MORC3: variants seen among roughly 807,000 people sequenced by gnomAD.
MORC3 encodes MORC family CW-type zinc finger protein 3.
A neutral mutation model predicts 109.1 loss-of-function variants in MORC3; 31 were observed. The ratio of observed to expected loss-of-function variants is 0.28; its 90% CI spans 0.21 to 0.38. The LOEUF is 0.38. MORC3 is among the 10% of genes least tolerant of loss of function. The probability of loss-of-function intolerance (pLI) is 1.00; values close to 1 mark genes in which losing one functional copy is unlikely to be tolerated. For missense variants in MORC3, 867 were observed against 1,135.8 expected, an observed-to-expected ratio of 0.76 and a Z score of 3.40; for synonymous variants, 395 against 380.7, an observed-to-expected ratio of 1.04 and a Z score of -0.44.
rs772368857 is a variant in MORC3 at position 36,364,235 on chromosome 21, C to A, written c.1595C>A (p.Pro532His). 6 of 1,614,008 alleles carry A rather than the reference C, an allele frequency of 3.7e-6. No homozygotes were observed. Among genetic ancestry groups the A allele is most frequent in the African/African-American group, 2.7e-5 (2 of 74,904 alleles). Residue 532 changes from proline (P) to histidine (H), a missense_variant, in exon 14 of 17, where the codon CCT becomes CAT. Pro to His is a moderately conservative substitution (Grantham distance 77). Around this residue, in one of 7 missense-constraint regions of MORC3, gnomAD observed 486 missense variants for 502.1 expected, o/e 0.97. Transcript: ENST00000400485. The stretch of plus-strand genomic sequence containing the variant: ...CTTCTAAATAATCATCAAGTTCCAC[C>A]TCAGTCTGAACCTGAGAGCAACAGG... ...TRLLNNHQVPPQSEPESNSLK... is the reference protein window; with the variant it reads ...TRLLNNHQVPHQSEPESNSLK...
At chr21:36,345,106 A>AT in intron 8 of MORC3, 75 bp downstream of exon 8, 1 of 1,379,080 alleles carries the variant, frequency 7.3e-7, no homozygotes, top group Non-Finnish European at 9.8e-7. Flanking sequence ...CTCTTGAGTC[A>AT]AATGTTAAAT....
At chr21:36,358,784 A>G (rs539246335) in intron 10 of MORC3, among the ~76,000 whole-genome samples, 9 of 152,046 alleles carry the variant, frequency 5.9e-5, no homozygotes, top group South Asian at 2.1e-4. Flanking sequence ...GGTTCATACA[A>G]TTCTCCTGCC....
Position 36,369,503 on chromosome 21 carries a change from A to T in MORC3, c.2135A>T (p.Asn712Ile). ...CTCCTTGTCACTGAGGAAAAAGAGA[A>T]TTATAAAAGACAGTGTCATATGTTT... ...QLLLVTEEKE[N>I]YKRQCHMFTD... Residue 712 changes from asparagine (N) to isoleucine (I), a missense_variant, in exon 15 of 17, where the codon AAT (asparagine) becomes ATT (isoleucine). Asn to Ile is a moderately radical substitution (Grantham distance 149). Around this residue, in one of 7 missense-constraint regions of MORC3, gnomAD observed 486 missense variants for 502.1 expected, o/e 0.97. Transcript: ENST00000400485. 1.2e-6 allele frequency: 2 copies of T among 1,614,114 alleles called. No individual in the cohort carries two copies. Among genetic ancestry groups the T allele is most frequent in the East Asian group, 2.2e-5 (1 of 44,902 alleles).
intron 8 of MORC3, among the ~76,000 whole-genome samples, chr21:36,345,431 T>C (rs575003268): frequency 6.6e-6 from 1 of 150,998 alleles, no homozygotes; most frequent in East Asian, 2.0e-4. Context: ...TGTTTTTTGT[T>C]TTTTTTTTGA....
At chr21:36,364,984 G>A (rs535369958) in intron 14 of MORC3, among the ~76,000 whole-genome samples, 11 of 150,290 alleles carry the variant, frequency 7.3e-5, no homozygotes, top group South Asian at 4.2e-4. Context: ...CCTGGGAGGC[G>A]GAGGTTGCAG....
intron 9 of MORC3, among the ~76,000 whole-genome samples, chr21:36,351,057 CTTTTTTTT>C (rs748042243): frequency 2.1e-4 from 15 of 71,426 alleles, no homozygotes; most frequent in Non-Finnish European, 2.8e-4. Context: ...GGTTGTCCTC[CTTTTTTTT>C]TTTTTTTTTT....
chr21:36,360,066 C>A lies in MORC3; in HGVS notation c.1320C>A (p.Asp440Glu). Residue 440 changes from aspartate to glutamate, a missense_variant, in exon 11 of 17, where the codon GAC becomes GAA. Asp to Glu is a conservative substitution (Grantham distance 45). Around this residue, in one of 7 missense-constraint regions of MORC3, gnomAD observed 120 missense variants for 259.7 expected, o/e 0.46. Transcript: ENST00000400485. ...PEKWYCSNNP[D>E]PQFRNCEVPE... ...AATGGTATTGCTCCAATAACCCTGA[C>A]CCACAGTTCAGGTACCATAGAGTTG... The A allele has an allele frequency of 6.2e-7, 1 of 1,614,140 alleles. No individual in the cohort carries two copies. Among genetic ancestry groups the A allele is most frequent in the Non-Finnish European group, 8.5e-7 (1 of 1,180,024 alleles).
At chr21:36,328,049 G>T (rs1171200163) in intron 1 of MORC3, among the ~76,000 whole-genome samples, 2 of 151,736 alleles carry the variant, frequency 1.3e-5, no homozygotes, top group Non-Finnish European at 2.9e-5. Context: ...GCTAATTTTT[G>T]TATTTTTAGT....
intron 3 of MORC3, 102 bp from the exon 4 acceptor site, chr21:36,337,630 T>C (rs1414637421): frequency 5.1e-6 from 4 of 779,742 alleles, no homozygotes; most frequent in Non-Finnish European, 7.4e-6. Flanking sequence ...TTTTACTTGG[T>C]ATTACAATTA....
Position 36,369,842 on chromosome 21 carries a change from A to G in MORC3, c.2474A>G (p.Lys825Arg), listed in dbSNP as rs1437729742. The G allele has an allele frequency of 1.2e-6, 2 of 1,613,562 alleles. No homozygotes were observed. Among genetic ancestry groups the G allele is most frequent in the African/African-American group, 1.3e-5 (1 of 75,050 alleles). The change falls in exon 15 of 17, where the codon AAA becomes AGA. Residue 825 changes from lysine to arginine, a missense_variant. Lys to Arg is a conservative substitution (Grantham distance 26). Transcript: ENST00000400485. Reference protein sequence around the residue: ...QLDDVFRQLDKCSIERDQYKS... With the variant: ...QLDDVFRQLDRCSIERDQYKS... Reference sequence around the variant, plus strand: ...GACGATGTGTTTAGACAACTGGACAAATGCAGTATTGAGAGGGACCAGTAT... The same window carrying G: ...GACGATGTGTTTAGACAACTGGACAGATGCAGTATTGAGAGGGACCAGTAT...
intron 6 of MORC3, among the ~76,000 whole-genome samples, chr21:36,342,695 C>T (rs970768141): frequency 6.6e-6 from 1 of 151,836 alleles, no homozygotes; most frequent in Admixed American, 6.6e-5. Flanking sequence ...TGAGCCTCTG[C>T]ACCTGGTCAA....
intron 8 of MORC3, 67 bp downstream of exon 8, chr21:36,345,098 C>G (rs1569097231): frequency 1.4e-6 from 2 of 1,419,778 alleles, no homozygotes; most frequent in Non-Finnish European, 1.9e-6. Context: ...AATATATGCT[C>G]TTGAGTCAAA....
chr21:36,345,311 T>G (rs967049725), intron 8 of MORC3, among the ~76,000 whole-genome samples: 1 of 146,992 alleles, frequency 6.8e-6, no homozygotes, highest in African/African-American at 2.5e-5. Context: ...AGTGGCACAA[T>G]CTTGGCTAAA....
At chr21:36,327,961 CT>C (rs2085268322) in intron 1 of MORC3, among the ~76,000 whole-genome samples, 1 of 151,696 alleles carries the variant, frequency 6.6e-6, no homozygotes, top group South Asian at 2.1e-4. Context: ...ACTGCAACCT[CT>C]GCCTCCTGGG....
At chr21:36,335,503 A>G (rs1444452095) in intron 2 of MORC3, among the ~76,000 whole-genome samples, 1 of 151,978 alleles carries the variant, frequency 6.6e-6, no homozygotes, top group Admixed American at 6.6e-5. Flanking sequence ...TTTAGTAGAG[A>G]CAGGGTTTCA....
chr21:36,344,836 TA>T, intron 7 of MORC3, 75 bp from the exon 8 acceptor site: 2 of 1,601,546 alleles, frequency 1.2e-6, no homozygotes, highest in South Asian at 1.1e-5. Context: ...CTTTTGGACT[TA>T]CCAAATAATG....
At chr21:36,333,302 T>G (rs1483046737) in intron 1 of MORC3, 4 of 217,886 alleles carry the variant, frequency 1.8e-5, no homozygotes, top group Non-Finnish European at 3.6e-5. Context: ...ATAGAGAAAT[T>G]AGGAAATGGT....
rs779878767 is a variant in MORC3 at position 36,369,291 on chromosome 21, G to A, written c.1923G>A (p.Gln641=). 7 of 1,614,136 alleles carry A rather than the reference G, an allele frequency of 4.3e-6. No individual in the cohort carries two copies. The highest frequency in any genetic ancestry group is 5.1e-6 in the Non-Finnish European group (6 of 1,180,052). ...RCDQGNTAAT[Q]TEVPSLVVKK... ...ACCAGGGAAATACTGCAGCTACCCAGACTGAAGTACCAAGTTTAGTTGTTA... is the reference window on the plus strand; with the variant it reads ...ACCAGGGAAATACTGCAGCTACCCAAACTGAAGTACCAAGTTTAGTTGTTA... Residue 641 remains glutamine, a synonymous_variant, in exon 15 of 17, where the codon CAG becomes CAA. Transcript: ENST00000400485.
chr21:36,320,236 G>A lies in MORC3; in HGVS notation c.-29G>A. On this transcript the variant is annotated 5_prime_UTR_variant, in exon 1 of 17. Coordinates refer to ENST00000400485, the MANE Select transcript of MORC3 (RefSeq NM_015358.3). The stretch of plus-strand genomic sequence containing the variant: ...ACCTCCCAGTCGGGTTGCGGCGGAG[G>A]CCGTTCCTGGCTTTGTAGCTCGCTC... 1 of 1,574,938 alleles carries A rather than the reference G, an allele frequency of 6.3e-7. No individual in the cohort carries two copies. Among genetic ancestry groups the A allele is most frequent in the South Asian group, 1.2e-5 (1 of 86,378 alleles).
Sources: allele counts gnomAD v4.1 joint callset (sites outside exome capture counted in the v4.1 genomes callset), GRCh38; gene constraint gnomAD v4.1.1; regional missense constraint gnomAD v4.1.1; transcripts MANE v1.5; gene names NCBI Gene and HGNC (gene_info 2026-07-23, HGNC 2026-07-21).